Variants in CIITA observed in about 807,000 individuals in gnomAD.
The protein encoded by CIITA is class II major histocompatibility complex transactivator.
In CIITA, 72 loss-of-function variants were observed where a neutral mutation model predicts 115.1. The ratio of observed to expected loss-of-function variants is 0.63; its 90% CI spans 0.52 to 0.76. The LOEUF (loss-of-function observed/expected upper bound fraction) is 0.76. Ranked by LOEUF, CIITA falls within the 30% of genes least tolerant of loss-of-function variation. CIITA has a pLI of 0.00. For missense variants in CIITA, 1,617 were observed against 1,463.8 expected, an observed-to-expected ratio of 1.10 and a Z score of -1.71; for synonymous variants, 763 against 635.6, an observed-to-expected ratio of 1.20 and a Z score of -3.02.
chr16:10,885,504 C>G (rs1278450433), intron 1 of CIITA, among the ~76,000 whole-genome samples: 2 of 152,190 alleles, frequency 1.3e-5, no homozygotes, highest in Non-Finnish European at 2.9e-5. Flanking sequence ...CCTCCTCGTG[C>G]CACTCCAGGA....
intron 15 of CIITA, among the ~76,000 whole-genome samples, chr16:10,917,544 C>T (rs1401246845): frequency 3.4e-5 from 5 of 148,506 alleles, no homozygotes; most frequent in South Asian, 4.3e-4. Context: ...TGCAGTGGTA[C>T]GATCTATTTA....
At chr16:10,910,155 C>A in intron 12 of CIITA, 33 bp from the exon 13 acceptor site, 1 of 1,589,518 alleles carries the variant, frequency 6.3e-7, no homozygotes, top group Middle Eastern at 1.7e-4. Flanking sequence ...GACAGCAGTG[C>A]CTGCTCCCCC....
chr16:10,886,328 A>G (rs1596461392), intron 1 of CIITA, among the ~76,000 whole-genome samples: 1 of 152,148 alleles, frequency 6.6e-6, no homozygotes, highest in East Asian at 1.9e-4. Context: ...AATCACGGAC[A>G]TTGTTCTCTA....
intron 1 of CIITA, among the ~76,000 whole-genome samples, chr16:10,869,116 C>T (rs1792704172): frequency 6.6e-6 from 1 of 152,202 alleles, no homozygotes; most frequent in Non-Finnish European, 1.5e-5. Context: ...CCCTCCCTCT[C>T]AACCACTCTA....
At chr16:10,904,628 C>A (rs1201009190) in intron 9 of CIITA, 116 bp from the exon 10 acceptor site, 2 of 1,030,298 alleles carry the variant, frequency 1.9e-6, no homozygotes, top group South Asian at 1.3e-5. Flanking sequence ...TATCTTATAA[C>A]CTCCATCTTG....
At position 10,931,921 on chromosome 16, in the gene CIITA, C is replaced by T. The variant is rs1013643509; in HGVS notation, c.*8066C>T. On this transcript the variant is annotated 3_prime_UTR_variant, in exon 20 of 20. Transcript: ENST00000324288. ...AACACAAAAGTTTCTCTTTTCAAAA[C>T]ATTTTACTTTAAAAGGAGCCAATTT... 2 of 152,188 alleles carry T rather than the reference C, an allele frequency of 1.3e-5. No homozygotes were observed. The highest frequency in any genetic ancestry group is 3.2e-3 in the Middle Eastern group (1 of 314). 9.4% of individuals were successfully genotyped at this position (152,188 alleles called of 1,614,324 possible).
upstream of CIITA, among the ~76,000 whole-genome samples, chr16:10,872,868 G>T (rs1159823946): frequency 6.6e-6 from 1 of 152,262 alleles, no homozygotes. Context: ...CCTAGTAGGG[G>T]AGGAATCTTC....
Position 10,923,224 on chromosome 16 carries a change from G to C in CIITA, c.3318-4G>C. ...CTGGCTCTGAGTCCCATCCCCCCTTGCAGGATGTGGACGCCCACCATCCCA... is the reference window on the plus strand; with the variant it reads ...CTGGCTCTGAGTCCCATCCCCCCTTCCAGGATGTGGACGCCCACCATCCCA... On this transcript the variant is annotated splice_polypyrimidine_tract_variant and splice_region_variant and intron_variant, in intron 18 of 19. Transcript: ENST00000324288. The surrounding 1 kb of genome is among the most constrained non-coding windows in gnomAD (Gnocchi z 5.2). 2.5e-6 allele frequency: 4 copies of C among 1,612,556 alleles called. No individual in the cohort carries two copies. The highest frequency in any genetic ancestry group is 3.4e-6 in the Non-Finnish European group (4 of 1,179,812).
intron 1 of CIITA, among the ~76,000 whole-genome samples, chr16:10,867,922 AT>A (rs201856596): frequency 0.011 from 1,654 of 151,226 alleles, 32 homozygotes; most frequent in African/African-American, 0.038. Flanking sequence ...TGCCTGGCTA[AT>A]TTTTTTTTAA....
intron 13 of CIITA, among the ~76,000 whole-genome samples, chr16:10,911,273 TC>T (rs2039550827): frequency 1.3e-5 from 2 of 151,328 alleles, no homozygotes; most frequent in Admixed American, 6.6e-5. Context: ...CCTCTTTCTT[TC>T]CTTTCCCTTC....
intron 16 of CIITA, among the ~76,000 whole-genome samples, 195 bp from the exon 17 acceptor site, chr16:10,921,972 C>T (rs970650753): frequency 6.6e-6 from 1 of 152,226 alleles, no homozygotes; most frequent in Non-Finnish European, 1.5e-5. Context: ...ATTTTCATAT[C>T]TAGAAAATGG....
At chr16:10,890,996 G>A (rs560039983) in intron 1 of CIITA, among the ~76,000 whole-genome samples, 1 of 152,246 alleles carries the variant, frequency 6.6e-6, no homozygotes, top group African/African-American at 2.4e-5. Context: ...TAAATTTTAC[G>A]CCAAAGCTCA....
Position 10,923,216 on chromosome 16 carries a change from C to A in CIITA, c.3318-12C>A. 2 of 1,611,922 alleles carry A rather than the reference C, an allele frequency of 1.2e-6. No homozygotes were observed. Among genetic ancestry groups the A allele is most frequent in the South Asian group, 1.1e-5 (1 of 91,066 alleles). On this transcript the variant is annotated splice_polypyrimidine_tract_variant and intron_variant, in intron 18 of 19. Transcript: ENST00000324288. The surrounding 1 kb of genome is among the most constrained non-coding windows in gnomAD (Gnocchi z 5.2). ...CCTCTAACCTGGCTCTGAGTCCCATCCCCCCTTGCAGGATGTGGACGCCCA... is the reference window on the plus strand; with the variant it reads ...CCTCTAACCTGGCTCTGAGTCCCATACCCCCTTGCAGGATGTGGACGCCCA...
rs539034738 is a variant in CIITA at position 10,871,527 on chromosome 16, C to T, written c.-21+5208C>T. Among the ~76,000 whole-genome samples the T allele has an allele frequency of 3.9e-5, 6 of 152,278 alleles. 1 individual carries two copies. In the South Asian group the frequency reaches 1.2e-3, roughly 32 times the overall value. On this transcript the variant is annotated intron_variant, in intron 1 of 5. Coordinates refer to the CIITA transcript ENST00000636238. ...CATGAGGTCTCAGTTCTAGGAATGACAGAACAAAGGCTCCCTCTGGGAAGT... is the reference window on the plus strand; with the variant it reads ...CATGAGGTCTCAGTTCTAGGAATGATAGAACAAAGGCTCCCTCTGGGAAGT...
downstream of CIITA, chr16:10,937,029 G>C (rs1446170069): frequency 6.6e-6 from 1 of 152,230 alleles, no homozygotes; most frequent in Non-Finnish European, 1.5e-5. This position sits in a 1 kb window ranked among gnomAD's most constrained non-coding sequence, Gnocchi z 4.2. Flanking sequence ...CTGTTTCTTG[G>C]CTGAAATCTC....
At chr16:10,917,872 G>A (rs1200006828) in intron 15 of CIITA, among the ~76,000 whole-genome samples, 1 of 152,152 alleles carries the variant, frequency 6.6e-6, no homozygotes, top group Non-Finnish European at 1.5e-5. Context: ...TAATTTACCG[G>A]AATTTACTTA....
At chr16:10,922,851 T>C (rs1203600020) in intron 18 of CIITA, 7 of 497,134 alleles carry the variant, frequency 1.4e-5, no homozygotes, top group Non-Finnish European at 2.6e-5. Context: ...TTATCTTTTA[T>C]TAAGTCACCA....
chr16:10,885,267 C>A (rs1214569435), intron 1 of CIITA, among the ~76,000 whole-genome samples: 1 of 152,178 alleles, frequency 6.6e-6, no homozygotes, highest in African/African-American at 2.4e-5. Context: ...TTAGAGCCAA[C>A]CAATAGCAAT....
chr16:10,878,604 C>A, intron 1 of CIITA, among the ~76,000 whole-genome samples: 1 of 152,284 alleles, frequency 6.6e-6, no homozygotes, highest in South Asian at 2.1e-4. Flanking sequence ...AGGTGGTTTG[C>A]CACTTTCACG....
Sources: gnomAD v4.1 joint callset for allele counts (sites outside exome capture counted in the v4.1 genomes callset) on GRCh38, gnomAD v4.1.1 for gene constraint, Gnocchi (gnomAD v3.1) non-coding constraint, MANE v1.5 for transcripts, NCBI Gene and HGNC (gene_info 2026-07-23, HGNC 2026-07-21) for gene names.